BRSK1: variants seen among roughly 807,000 people sequenced by gnomAD.
BRSK1 encodes BR serine/threonine kinase 1, also known as serine/threonine-protein kinase BRSK1.
BRSK1 carries 17 observed loss-of-function variants against 86.2 expected under a neutral mutation model. The ratio of observed to expected loss-of-function variants is 0.20; its 90% CI spans 0.14 to 0.30. The LOEUF is 0.30. BRSK1 is among the 10% of genes least tolerant of loss of function. The pLI is 1.00. For synonymous variants in BRSK1, 464 were observed against 440.1 expected (o/e 1.05, Z -0.68); for missense variants, 719 against 1,071.9 (o/e 0.67, Z 4.60).
rs770424829 is a variant in BRSK1, at chr19:55,304,798, C to T, written c.1595C>T (p.Pro532Leu). The T allele has an allele frequency of 1.3e-6, 2 of 1,569,990 alleles. No homozygotes were observed. Among genetic ancestry groups the T allele is most frequent in the South Asian group, 2.3e-5 (2 of 86,928 alleles). ...CCCCGGGCCAGTCCCACCGGGACCC[C>T]GGGGACAACACCACCCCCCAGCCCC... ...HTPRASPTGT[P>L]GTTPPPSPGG... Residue 532 changes from proline (P) to leucine (L), a missense_variant, in exon 14 of 19, where the codon CCG becomes CTG. By Grantham distance (98) the Pro-to-Leu change is moderately conservative (BLOSUM62 -3). This residue lies in a region of BRSK1 where 143 missense variants were observed against 120.1 expected (regional missense o/e 1.19). Coordinates refer to ENST00000309383, the MANE Select transcript of BRSK1 (RefSeq NM_032430.2). This position sits in a 1 kb window ranked among gnomAD's most constrained non-coding sequence, Gnocchi z 5.2.
chr19:55,302,488 A>G lies in BRSK1; in HGVS notation c.858-209A>G, dbSNP rs1477968220. 7.7e-6 allele frequency: 5 copies of G among 652,464 alleles called. No homozygotes were observed. Among genetic ancestry groups the G allele is most frequent in the Non-Finnish European group, 1.3e-5 (5 of 388,624 alleles). The allele number at this position is 652,464 out of a possible 1,614,324, so 40.4% of individuals were successfully genotyped here. On this transcript the variant is annotated intron_variant, in intron 9 of 18. Transcript: ENST00000309383. The surrounding 1 kb of genome is among the most constrained non-coding windows in gnomAD (Gnocchi z 6.3). ...GAAGAAGGAGGGGCCGGGGGCCTGG[A>G]CCCCTCGGTCGGAGGGAAAAGGGGC...
At chr19:55,307,548 C>CAA (rs11378640) in intron 17 of BRSK1, among the ~76,000 whole-genome samples, 1,101 of 80,482 alleles carry the variant, frequency 0.014, 50 homozygotes, top group African/African-American at 0.039. Context: ...GACTCTGTCT[C>CAA]AAAAAAAAAA....
rs1045266716 is a variant in BRSK1 at position 55,302,125 on chromosome 19, C to A, written c.826-12C>A. On this transcript the variant is annotated splice_polypyrimidine_tract_variant and intron_variant, in intron 8 of 18. Transcript: ENST00000309383. This position sits in a 1 kb window ranked among gnomAD's most constrained non-coding sequence, Gnocchi z 6.3. ...CTCACTTCTGCTTCTCTACGACTCA[C>A]CACCCTCACAGCTGGAGCAAATTCA... The A allele has an allele frequency of 5.0e-6, 8 of 1,614,080 alleles. No homozygotes were observed. The African/African-American group carries it at 5.3e-5, about 11-fold the overall frequency.
At position 55,287,178 on chromosome 19, in the gene BRSK1, C is replaced by A. The variant is rs1428036476; in HGVS notation, c.232-36C>A. On this transcript the variant is annotated intron_variant, in intron 2 of 18. Transcript: ENST00000309383. The surrounding 1 kb of genome is among the most constrained non-coding windows in gnomAD (Gnocchi z 5.3). ...AGGGCAGGGGCGGGGCCGTGCTGACCTCTTTTCCCGTGTCCCCACCCCTCT... is the reference window on the plus strand; with the variant it reads ...AGGGCAGGGGCGGGGCCGTGCTGACATCTTTTCCCGTGTCCCCACCCCTCT... The A allele has an allele frequency of 4.3e-6, 7 of 1,613,494 alleles. No individual in the cohort carries two copies. The highest frequency in any genetic ancestry group is 1.7e-5 in the Admixed American group (1 of 59,984).
rs1272237339 is a variant in BRSK1 at position 55,304,820 on chromosome 19, C to T, written c.1617C>T (p.Ser539=). Residue 539 remains serine, a synonymous_variant, in exon 14 of 19, where the codon AGC becomes AGT. Transcript: ENST00000309383. The surrounding 1 kb of genome is among the most constrained non-coding windows in gnomAD (Gnocchi z 5.2). ...CCCCGGGGACAACACCACCCCCCAG[C>T]CCCGGCGGTGGCGTCGGGGGAGCCG... ...TGTPGTTPPP[S]PGGGVGGAAW... is the part of the protein sequence containing the mutation. The T allele has an allele frequency of 9.5e-6, 15 of 1,584,200 alleles. No individual in the cohort carries two copies. The highest frequency in any genetic ancestry group is 1.3e-5 in the Non-Finnish European group (15 of 1,168,234).
At chr19:55,297,802 T>C (rs551427874) in intron 7 of BRSK1, among the ~76,000 whole-genome samples, 125 of 152,234 alleles carry the variant, frequency 8.2e-4, no homozygotes, top group African/African-American at 2.6e-3. Context: ...TTGTTTTCAT[T>C]TTTATTTTAT....
At position 55,304,796 on chromosome 19, in the gene BRSK1, C is replaced by T; in HGVS notation, c.1593C>T (p.Thr531=). The T allele has an allele frequency of 6.4e-7, 1 of 1,569,284 alleles. No individual in the cohort carries two copies. The highest frequency in any genetic ancestry group is 8.6e-7 in the Non-Finnish European group (1 of 1,161,510). ...LHTPRASPTG[T]PGTTPPPSPG... Reference sequence around the variant, plus strand: ...CGCCCCGGGCCAGTCCCACCGGGACCCCGGGGACAACACCACCCCCCAGCC... The same window carrying T: ...CGCCCCGGGCCAGTCCCACCGGGACTCCGGGGACAACACCACCCCCCAGCC... The change falls in exon 14 of 19, where the codon ACC becomes ACT. Residue 531 remains threonine (T), a synonymous_variant. Coordinates refer to ENST00000309383, the MANE Select transcript of BRSK1 (RefSeq NM_032430.2). The surrounding 1 kb of genome is among the most constrained non-coding windows in gnomAD (Gnocchi z 5.2).
Position 55,302,987 on chromosome 19 carries a change from TC to T in BRSK1, c.1028+123del, listed in dbSNP as rs141186658. On this transcript the variant is annotated intron_variant, in intron 10 of 18. Coordinates refer to ENST00000309383, the MANE Select transcript of BRSK1 (RefSeq NM_032430.2). The surrounding 1 kb of genome is among the most constrained non-coding windows in gnomAD (Gnocchi z 6.3). Reference sequence around the variant, plus strand: ...CCTCTCATGGGGCATGGTTTGAAGCTCCCGCCTGGGAGTGATGGAACCAGCG... The same window carrying T: ...CCTCTCATGGGGCATGGTTTGAAGCTCCGCCTGGGAGTGATGGAACCAGCG... 3.7e-3 allele frequency: 4,947 copies of T among 1,346,158 alleles called. 163 individuals are homozygous for T. The African/African-American group carries it at 0.066, about 18-fold the overall frequency. 83.4% of individuals were successfully genotyped at this position (1,346,158 alleles called of 1,614,324 possible).
In BRSK1 at chr19:55,303,365, T is replaced by C. The variant is rs751850349; in HGVS notation, c.1083T>C (p.Tyr361=). 2 of 1,613,918 alleles carry C rather than the reference T, an allele frequency of 1.2e-6. No individual in the cohort carries two copies. The highest frequency in any genetic ancestry group is 1.7e-6 in the Non-Finnish European group (2 of 1,179,970). Residue 361 remains tyrosine (Y), a synonymous_variant, in exon 11 of 19, where the codon TAT becomes TAC. Transcript: ENST00000309383. This position sits in a 1 kb window ranked among gnomAD's most constrained non-coding sequence, Gnocchi z 5.1. ...TGCTTTTGGATCGGAAGGAGCGGTA[T>C]CCCAGCTGTGAGGACCAGGACCTGC... ...YYLLLDRKER[Y]PSCEDQDLPP...
Position 55,302,553 on chromosome 19 carries a change from T to A in BRSK1, c.858-144T>A, listed in dbSNP as rs2088587705. The A allele has an allele frequency of 9.2e-7, 1 of 1,082,326 alleles. No homozygotes were observed. Among genetic ancestry groups the A allele is most frequent in the Admixed American group, 2.4e-5 (1 of 42,286 alleles). The allele number at this position is 1,082,326 out of a possible 1,614,324, so 67.0% of individuals were successfully genotyped here. On this transcript the variant is annotated intron_variant, in intron 9 of 18. Coordinates refer to ENST00000309383, the MANE Select transcript of BRSK1 (RefSeq NM_032430.2). The surrounding 1 kb of genome is among the most constrained non-coding windows in gnomAD (Gnocchi z 6.3). The stretch of plus-strand genomic sequence containing the variant: ...CCTGGGTCTGAGATGGGGGGCGAGG[T>A]CTGGGGCGTCTGGATTCCTGGGTAT...
chr19:55,305,973 G>A (rs2088644727), intron 16 of BRSK1, among the ~76,000 whole-genome samples: 1 of 152,210 alleles, frequency 6.6e-6, no homozygotes, highest in South Asian at 2.1e-4. Flanking sequence ...ATTTGTAAAG[G>A]GAGCAAGCAG....
At chr19:55,311,242 A>G (rs1329467188) in intron 18 of BRSK1, among the ~76,000 whole-genome samples, 1 of 152,170 alleles carries the variant, frequency 6.6e-6, no homozygotes, top group African/African-American at 2.4e-5. Context: ...GATTACAGGC[A>G]TGAGCCACTG....
At chr19:55,295,759 A>G (rs1231425745) in intron 7 of BRSK1, among the ~76,000 whole-genome samples, 1 of 152,198 alleles carries the variant, frequency 6.6e-6, no homozygotes, top group Non-Finnish European at 1.5e-5. Context: ...ACCTGGGGCC[A>G]GAAGTTTGAG....
chr19:55,285,278 T>C (rs2088293914), intron 1 of BRSK1, among the ~76,000 whole-genome samples: 1 of 151,652 alleles, frequency 6.6e-6, no homozygotes, highest in South Asian at 2.1e-4. Flanking sequence ...GACTCCTGAG[T>C]CTGAGGGAGG....
chr19:55,295,557 T>TA (rs1398899561), intron 7 of BRSK1, among the ~76,000 whole-genome samples: 2 of 152,148 alleles, frequency 1.3e-5, no homozygotes, highest in East Asian at 3.9e-4. Context: ...ATAAAAGAAC[T>TA]ATGGGATAGT....
intron 17 of BRSK1, among the ~76,000 whole-genome samples, chr19:55,307,630 C>T (rs2088675660): frequency 6.6e-6 from 1 of 150,782 alleles, no homozygotes; most frequent in Non-Finnish European, 1.5e-5. Flanking sequence ...ATGGCTGACT[C>T]CTGTAATCCC....
chr19:55,305,606 A>T lies in BRSK1; in HGVS notation c.1890+20A>T. The T allele has an allele frequency of 6.2e-7, 1 of 1,613,620 alleles. No individual in the cohort carries two copies. The highest frequency in any genetic ancestry group is 8.5e-7 in the Non-Finnish European group (1 of 1,179,996). On this transcript the variant is annotated intron_variant, in intron 16 of 18. Coordinates refer to ENST00000309383, the MANE Select transcript of BRSK1 (RefSeq NM_032430.2). Reference sequence around the variant, plus strand: ...CTGTCGGTGAGGGGCCTGGGTCCCCATCGAGCCTGGCCCCCGCAGAACTAC... The same window carrying T: ...CTGTCGGTGAGGGGCCTGGGTCCCCTTCGAGCCTGGCCCCCGCAGAACTAC...
At position 55,302,058 on chromosome 19, in the gene BRSK1, A is replaced by AC; in HGVS notation, c.826-77dup. The AC allele has an allele frequency of 1.9e-6, 3 of 1,548,178 alleles. No individual in the cohort carries two copies. In the South Asian group the frequency reaches 3.3e-5, roughly 17 times the overall value. On this transcript the variant is annotated intron_variant, in intron 8 of 18. Transcript: ENST00000309383. The surrounding 1 kb of genome is among the most constrained non-coding windows in gnomAD (Gnocchi z 6.3). ...CGGGGAGATGATCAGGGACCCCAAA[A>AC]CCACCCCAGTCTTTCATTGCGCGCC...
At chr19:55,288,001 C>T (rs1189777348) in intron 3 of BRSK1, 2 of 154,496 alleles carry the variant, frequency 1.3e-5, no homozygotes, top group South Asian at 2.0e-4. Flanking sequence ...GGTTTCACCA[C>T]ACGGGAAGCT....
Sources: gnomAD v4.1 joint callset for allele counts (sites outside exome capture counted in the v4.1 genomes callset) on GRCh38, gnomAD v4.1.1 for gene constraint, gnomAD v4.1.1 regional missense constraint, Gnocchi (gnomAD v3.1) non-coding constraint, MANE v1.5 for transcripts, NCBI Gene and HGNC (gene_info 2026-07-23, HGNC 2026-07-21) for gene names.